FBN3: variants seen among roughly 807,000 people sequenced by gnomAD.
FBN3 encodes fibrillin-3.
Under a neutral mutation model 330.1 loss-of-function variants are expected in FBN3, and 234 were observed. That is an observed-to-expected ratio of 0.71 (90% CI 0.64 to 0.79). The LOEUF is 0.79. Ranked by LOEUF, FBN3 falls within the 30% of genes least tolerant of loss-of-function variation. FBN3 has a pLI of 0.00. For missense variants in FBN3, 3,606 were observed against 3,886.9 expected, an observed-to-expected ratio of 0.93 and a Z score of 1.92; for synonymous variants, 1,458 against 1,517.3, an observed-to-expected ratio of 0.96 and a Z score of 0.91.
Position 8,129,263 on chromosome 19 carries a change from C to T in FBN3, c.2147G>A (p.Gly716Asp), listed in dbSNP as rs140910868. The T allele has an allele frequency of 2.3e-4, 379 of 1,614,050 alleles. 2 individuals carry two copies. The highest frequency in any genetic ancestry group is 3.0e-4 in the Non-Finnish European group (357 of 1,180,046). Reference protein sequence around the residue: ...RCVCNLGYEAGASGKDCTDVD... With the variant: ...RCVCNLGYEADASGKDCTDVD... ...ACCTGTGCAGTCCTTGCCTGAGGCACCTGCCTCATAACCCAGGTTGCAGAC... is the reference window on the plus strand; with the variant it reads ...ACCTGTGCAGTCCTTGCCTGAGGCATCTGCCTCATAACCCAGGTTGCAGAC... Residue 716 changes from glycine (G) to aspartate (D), a missense_variant, in exon 17 of 64, where the codon GGT (glycine) becomes GAT (aspartate). Physicochemically the swap from Gly to Asp is moderately conservative, Grantham distance 94 (BLOSUM62 -1). Transcript: ENST00000600128. This position sits in a 1 kb window ranked among gnomAD's most constrained non-coding sequence, Gnocchi z 4.5.
chr19:8,100,810 A>G, intron 41 of FBN3, 91 bp downstream of exon 41: 10 of 975,800 alleles, frequency 1.0e-5, no homozygotes, highest in Non-Finnish European at 1.6e-5. Flanking sequence ...GAGTGGATGT[A>G]AGGAAAAGAG....
intron 55 of FBN3, 55 bp from the exon 56 acceptor site, chr19:8,085,624 A>G: frequency 7.2e-7 from 1 of 1,381,916 alleles, no homozygotes; most frequent in East Asian, 2.6e-5. Context: ...GTTTGGGGGC[A>G]AAGACTGAGC....
chr19:8,097,205 A>G (rs551670458), intron 42 of FBN3, 84 bp downstream of exon 42: 2 of 1,528,032 alleles, frequency 1.3e-6, no homozygotes, highest in South Asian at 2.5e-5. Context: ...AGGCTTACAG[A>G]GTTTTAGTTA....
chr19:8,082,250 C>T lies in FBN3; in HGVS notation c.7214-770G>A, dbSNP rs529496928. On this transcript the variant is annotated intron_variant, in intron 57 of 63. Coordinates refer to ENST00000600128, the MANE Select transcript of FBN3 (RefSeq NM_032447.5). Reference sequence around the variant, plus strand: ...TCCCAAAGTGTGCTGGGATTACAGGCGTGAGCCACCTCACTTGGCCTTCCT... The same window carrying T: ...TCCCAAAGTGTGCTGGGATTACAGGTGTGAGCCACCTCACTTGGCCTTCCT... 7.2e-5 allele frequency among the ~76,000 whole-genome samples: 11 copies of T among 151,792 alleles called. No individual in the cohort carries two copies. In the South Asian group the frequency reaches 2.3e-3, roughly 32 times the overall value.
chr19:8,130,268 C>T (rs1448264559), intron 16 of FBN3, among the ~76,000 whole-genome samples: 2 of 149,386 alleles, frequency 1.3e-5, no homozygotes, highest in African/African-American at 2.5e-5. Flanking sequence ...TTTGGGAGGC[C>T]AAGGTGGGTG....
intron 47 of FBN3, among the ~76,000 whole-genome samples, chr19:8,092,615 T>G (rs974389089): frequency 7.5e-5 from 10 of 133,802 alleles, no homozygotes; most frequent in East Asian, 2.4e-4. Context: ...ACCAGGAGGG[T>G]GAGGCAGGAG....
rs61729603 is a variant in FBN3, at chr19:8,123,553, G to T, written c.2993C>A (p.Thr998Lys). ...CACCGTGTTTCTGCAGGTACCGTGC[G>T]TGCAGAGGCCAGGGAACACCTTGCA... ...NECKVFPGLC[T>K]HGTCRNTVGS... The change falls in exon 24 of 64, where the codon ACG (threonine) becomes AAG (lysine). Residue 998 changes from threonine (T) to lysine (K), a missense_variant. Coordinates refer to ENST00000600128, the MANE Select transcript of FBN3 (RefSeq NM_032447.5). 10 of 1,614,022 alleles carry T rather than the reference G, an allele frequency of 6.2e-6. No homozygotes were observed. In the East Asian group the frequency reaches 2.0e-4, roughly 32 times the overall value.
rs752918342 is a variant in FBN3 at position 8,123,504 on chromosome 19, C to T, written c.3042G>A (p.Ala1014=). 8.1e-6 allele frequency: 13 copies of T among 1,613,976 alleles called. No individual in the cohort carries two copies. Among genetic ancestry groups the T allele is most frequent in the Admixed American group, 3.3e-5 (2 of 59,986 alleles). Residue 1014 remains alanine (A), a synonymous_variant, in exon 24 of 64, where the codon GCG becomes GCA. Transcript: ENST00000600128. The stretch of plus-strand genomic sequence containing the variant: ...CCTGGGCATCCAGGGCGAAGCCCCC[C>T]GCACAGGCGCAGTGGAAGCTGCCCA... ...NTVGSFHCAC[A]GGFALDAQER... is the part of the protein sequence containing the mutation.
chr19:8,117,136 A>G lies in FBN3; in HGVS notation c.3586+33T>C, dbSNP rs1231617546. 1.9e-6 allele frequency: 3 copies of G among 1,612,516 alleles called. No homozygotes were observed. The African/African-American group carries it at 4.0e-5, about 22-fold the overall frequency. ...CCAACACCTCCTCCTCACCCTCCAC[A>G]CCAGGCAGTGGGAAGAAGTTGTGCC... On this transcript the variant is annotated intron_variant, in intron 28 of 63. Transcript: ENST00000600128.
intron 51 of FBN3, 26 bp from the exon 52 acceptor site, chr19:8,088,205 G>C: frequency 6.4e-7 from 1 of 1,565,258 alleles, no homozygotes; most frequent in Admixed American, 1.8e-5. Context: ...GGGGTGGTCA[G>C]CACCTGCAGA....
intron 58 of FBN3, 35 bp from the exon 59 acceptor site, chr19:8,081,154 G>A (rs1367981359): frequency 1.9e-6 from 3 of 1,581,156 alleles, no homozygotes; most frequent in Non-Finnish European, 8.7e-7. Flanking sequence ...CTCAGGGCAG[G>A]GCCCAGTGGG....
rs777298199 is a variant in FBN3, at chr19:8,121,810, T to C, written c.3083-424A>G. 5.9e-5 allele frequency among the ~76,000 whole-genome samples: 9 copies of C among 152,122 alleles called. No individual in the cohort carries two copies. The highest frequency in any genetic ancestry group is 2.0e-4 in the Admixed American group (3 of 15,274). On this transcript the variant is annotated intron_variant, in intron 24 of 63. Coordinates refer to ENST00000600128, the MANE Select transcript of FBN3 (RefSeq NM_032447.5). This position sits in a 1 kb window ranked among gnomAD's most constrained non-coding sequence, Gnocchi z 4.5. ...TGTCACCCAGGATGGAGTGCAGTGA[T>C]GCAATCTCGGCTCACTGCAACTTCT...
At chr19:8,084,393 C>T (rs1009868567) in intron 56 of FBN3, among the ~76,000 whole-genome samples, 8 of 151,808 alleles carry the variant, frequency 5.3e-5, no homozygotes, top group Non-Finnish European at 8.8e-5. Flanking sequence ...CACACTGGGC[C>T]GGGCGCGGTG....
chr19:8,119,163 G>A (rs1803595849), intron 25 of FBN3, 141 bp from the exon 26 acceptor site: 1 of 999,266 alleles, frequency 1.0e-6, no homozygotes, highest in Non-Finnish European at 1.4e-6. Flanking sequence ...GGAGGCTCCG[G>A]GTTGGGATGA....
At chr19:8,072,263 C>T (rs989460555) in intron 62 of FBN3, 65 bp from the exon 63 acceptor site, 12 of 1,441,672 alleles carry the variant, frequency 8.3e-6, no homozygotes, top group South Asian at 1.4e-5. Flanking sequence ...CCCAGCCACG[C>T]CGCTCCACCC....
At chr19:8,135,936 G>GGGCCA in intron 13 of FBN3, 25 bp downstream of exon 13, 3 of 668,778 alleles carry the variant, frequency 4.5e-6, no homozygotes, top group East Asian at 3.9e-5. Flanking sequence ...GGAAGCCCCT[G>GGGCCA]CCCACCCGCC....
At chr19:8,078,050 C>A (rs1568359604) in intron 59 of FBN3, among the ~76,000 whole-genome samples, 2 of 152,240 alleles carry the variant, frequency 1.3e-5, no homozygotes, top group Non-Finnish European at 2.9e-5. Flanking sequence ...CAATCTCCAG[C>A]CTGGGCGACA....
rs1568426063 is a variant in FBN3 at position 8,121,881 on chromosome 19, C to T, written c.3083-495G>A. ...TCTCCTGCCTCAGCCTCCCGAGTAG[C>T]TGGGATTACAGGTGTGTGCCACCAT... On this transcript the variant is annotated intron_variant, in intron 24 of 63. Coordinates refer to ENST00000600128, the MANE Select transcript of FBN3 (RefSeq NM_032447.5). This position sits in a 1 kb window ranked among gnomAD's most constrained non-coding sequence, Gnocchi z 4.5. Among the ~76,000 whole-genome samples, 2 of 152,086 alleles carry T rather than the reference C, an allele frequency of 1.3e-5. No homozygotes were observed. Among genetic ancestry groups the T allele is most frequent in the African/African-American group, 4.8e-5 (2 of 41,390 alleles).
chr19:8,090,773 C>T (rs187383845), intron 48 of FBN3, among the ~76,000 whole-genome samples: 18 of 152,166 alleles, frequency 1.2e-4, no homozygotes, highest in African/African-American at 2.9e-4. Flanking sequence ...CATGAGCCAC[C>T]GCCCCTGGCC....
Sources: allele counts gnomAD v4.1 joint callset (sites outside exome capture counted in the v4.1 genomes callset), GRCh38; gene constraint gnomAD v4.1.1; non-coding constraint Gnocchi (gnomAD v3.1); transcripts MANE v1.5; gene names NCBI Gene and HGNC (gene_info 2026-07-23, HGNC 2026-07-21).